The following SLC38A4 variants were observed in gnomAD, a reference collection of about 807,000 sequenced individuals.
SLC38A4 encodes the protein sodium-coupled neutral amino acid transporter 4.
SLC38A4 carries 20 observed loss-of-function variants against 63.1 expected under a neutral mutation model. The observed-to-expected ratio is 0.32, with a 90% CI of 0.22 to 0.46. The LOEUF (loss-of-function observed/expected upper bound fraction) is 0.46, where lower values mean the gene tolerates loss of function less well. Ranked by LOEUF, SLC38A4 falls within the 20% of genes least tolerant of loss-of-function variation. SLC38A4 has a pLI of 1.00. For synonymous variants in SLC38A4, 230 were observed against 225.5 expected, an observed-to-expected ratio of 1.02 and a Z score of -0.18; for missense variants, 526 against 663.6, an observed-to-expected ratio of 0.79 and a Z score of 2.28.
chr12:46,828,734 C>T (rs1471443106), upstream of SLC38A4, among the ~76,000 whole-genome samples: 1 of 152,164 alleles, frequency 6.6e-6, no homozygotes, highest in African/African-American at 2.4e-5. Flanking sequence ...GGTATTTGCC[C>T]AGCACTGTGC....
chr12:46,786,210 G>T (rs1938759039), intron 5 of SLC38A4, among the ~76,000 whole-genome samples: 1 of 151,950 alleles, frequency 6.6e-6, no homozygotes, highest in South Asian at 2.1e-4. Context: ...ATATAATTTT[G>T]TTCCCTGGAA....
chr12:46,784,662 T>G, intron 6 of SLC38A4, 28 bp from the exon 7 acceptor site: 1 of 1,554,636 alleles, frequency 6.4e-7, no homozygotes, highest in Non-Finnish European at 8.8e-7. Flanking sequence ...ATAGCCTTGT[T>G]AAAGAGATTG....
intron 1 of SLC38A4, among the ~76,000 whole-genome samples, chr12:46,818,703 C>T (rs1939486474): frequency 6.6e-6 from 1 of 151,810 alleles, no homozygotes; most frequent in Non-Finnish European, 1.5e-5. Context: ...TACATAATTG[C>T]ATAATAAATA....
intron 2 of SLC38A4, among the ~76,000 whole-genome samples, chr12:46,799,250 A>G (rs932759498): frequency 6.6e-6 from 1 of 152,154 alleles, no homozygotes; most frequent in African/African-American, 2.4e-5. Flanking sequence ...AGTGAGGTAG[A>G]TGCCCCTTCA....
At chr12:46,768,247 C>A in intron 16 of SLC38A4, 63 bp downstream of exon 16, 5 of 1,188,862 alleles carry the variant, frequency 4.2e-6, no homozygotes, top group Non-Finnish European at 4.8e-6. Context: ...TGTGTATTTT[C>A]TAGTTTATTC....
intron 14 of SLC38A4, among the ~76,000 whole-genome samples, chr12:46,772,151 C>T (rs1267926995): frequency 6.7e-6 from 1 of 149,818 alleles, no homozygotes; most frequent in Non-Finnish European, 1.5e-5. Context: ...AAAAAAAAGC[C>T]TCTCCCATTG....
At chr12:46,786,701 A>G (rs1351736613) in intron 5 of SLC38A4, among the ~76,000 whole-genome samples, 1 of 152,196 alleles carries the variant, frequency 6.6e-6, no homozygotes, top group Non-Finnish European at 1.5e-5. Context: ...CATGGCTTAT[A>G]TAAAAGTAAA....
chr12:46,809,376 C>G (rs1251499323), intron 1 of SLC38A4, among the ~76,000 whole-genome samples: 1 of 152,062 alleles, frequency 6.6e-6, no homozygotes, highest in Admixed American at 6.6e-5. Flanking sequence ...ATAATAGTGT[C>G]ATCGACATTT....
chr12:46,810,749 A>G (rs1190195285), intron 1 of SLC38A4, among the ~76,000 whole-genome samples: 5 of 151,984 alleles, frequency 3.3e-5, no homozygotes, highest in Non-Finnish European at 5.9e-5. Flanking sequence ...AATAAACATA[A>G]TTAGAAACAA....
upstream of SLC38A4, among the ~76,000 whole-genome samples, chr12:46,827,208 C>A (rs1939669696): frequency 6.6e-6 from 1 of 152,274 alleles, no homozygotes; most frequent in South Asian, 2.1e-4. Context: ...TTATTTAGTT[C>A]TTTTTTCCAT....
chr12:46,774,912 A>G (rs1938491651), intron 14 of SLC38A4, 137 bp downstream of exon 14: 1 of 1,021,542 alleles, frequency 9.8e-7, no homozygotes, highest in Non-Finnish European at 1.4e-6. Flanking sequence ...AAGTGACTCA[A>G]AATGCTATAG....
chr12:46,806,819 A>G (rs1939242276), intron 1 of SLC38A4, among the ~76,000 whole-genome samples: 1 of 152,026 alleles, frequency 6.6e-6, no homozygotes, highest in Non-Finnish European at 1.5e-5. Context: ...AATGTTATCT[A>G]TTGAAAATAC....
In SLC38A4 at chr12:46,769,268, C is replaced by G. The variant is rs760710432; in HGVS notation, c.1444+16G>C. 6.2e-7 allele frequency: 1 copy of G among 1,612,338 alleles called. No individual in the cohort carries two copies. ...TGAGTTTGGGTTGACCAAATTGAAG[C>G]CTTTCTGAAACTCACCTATGAATCC... On this transcript the variant is annotated intron_variant, in intron 15 of 16. Coordinates refer to ENST00000266579, the MANE Select transcript of SLC38A4 (RefSeq NM_018018.5).
At chr12:46,769,177 A>G in intron 15 of SLC38A4, 107 bp downstream of exon 15, 1 of 1,239,518 alleles carries the variant, frequency 8.1e-7, no homozygotes, top group Non-Finnish European at 1.2e-6. Context: ...GGAATCCATG[A>G]GCCTGAGAAA....
In SLC38A4 at chr12:46,793,131, T is replaced by C; in HGVS notation, c.-60A>G. On this transcript the variant is annotated 5_prime_UTR_variant, in exon 3 of 17. Transcript: ENST00000266579. ...CCCCTTCAGTGTAAATAATATACTGTACCTTCAGCTTAAGGTTCTTCCACT... is the reference window on the plus strand; with the variant it reads ...CCCCTTCAGTGTAAATAATATACTGCACCTTCAGCTTAAGGTTCTTCCACT... 2 of 1,184,410 alleles carry C rather than the reference T, an allele frequency of 1.7e-6. No homozygotes were observed. Among genetic ancestry groups the C allele is most frequent in the Non-Finnish European group, 1.3e-6 (1 of 794,730 alleles). 73.4% of individuals were successfully genotyped at this position (1,184,410 alleles called of 1,614,324 possible). A position where few individuals can be genotyped will look rare whatever the true frequency, so the allele number is the denominator to read the frequency against.
At chr12:46,768,453 T>G in intron 15 of SLC38A4, 46 bp from the exon 16 acceptor site, 1 of 1,442,404 alleles carries the variant, frequency 6.9e-7, no homozygotes, top group Non-Finnish European at 9.6e-7. Context: ...ACCCAGCAGT[T>G]CCTAGCAAAG....
chr12:46,827,057 G>A (rs979843837), upstream of SLC38A4, among the ~76,000 whole-genome samples: 22 of 152,158 alleles, frequency 1.4e-4, no homozygotes, highest in African/African-American at 5.3e-4. Flanking sequence ...AAATTGAGGG[G>A]AAACAAGGGA....
At chr12:46,829,818 G>A (rs1006003660), upstream of SLC38A4, among the ~76,000 whole-genome samples, 7 of 152,308 alleles carry the variant, frequency 4.6e-5, no homozygotes, top group Middle Eastern at 3.4e-3. Context: ...GTTCATTTAC[G>A]TTTATGAACA....
intron 1 of SLC38A4, among the ~76,000 whole-genome samples, chr12:46,819,055 T>G (rs1010930413): frequency 1.3e-5 from 2 of 151,906 alleles, no homozygotes; most frequent in Non-Finnish European, 1.5e-5. Flanking sequence ...TTATGAGGGT[T>G]AGATTGAAGA....
Sources: gnomAD v4.1 joint callset for allele counts (sites outside exome capture counted in the v4.1 genomes callset) on GRCh38, gnomAD v4.1.1 for gene constraint, MANE v1.5 for transcripts, NCBI Gene and HGNC (gene_info 2026-07-23, HGNC 2026-07-21) for gene names.